The following SLC39A11 variants were observed in gnomAD, a reference collection of about 807,000 sequenced individuals.
SLC39A11 encodes solute carrier family 39 member 11, also known as zinc transporter ZIP11.
SLC39A11 carries 33 observed loss-of-function variants against 36.1 expected under a neutral mutation model. The observed-to-expected ratio is 0.91, with a 90% CI of 0.69 to 1.22. The LOEUF is 1.22. Among genes scored for constraint, SLC39A11 ranks in the 50% most tolerant of loss-of-function variants. The pLI, the probability that SLC39A11 is intolerant of heterozygous loss-of-function variation, is 0.00. For missense variants in SLC39A11, 432 were observed against 430.3 expected (o/e 1.00, Z -0.03); for synonymous variants, 166 against 170.3 (o/e 0.97, Z 0.20).
intron 7 of SLC39A11, among the ~76,000 whole-genome samples, chr17:72,701,469 C>T (rs1179020696): frequency 2.0e-5 from 3 of 152,162 alleles, no homozygotes; most frequent in Admixed American, 6.5e-5. Flanking sequence ...TAGCTCATGT[C>T]TGTAATCCCA....
intron 4 of SLC39A11, among the ~76,000 whole-genome samples, chr17:73,015,147 G>A (rs559030597): frequency 2.6e-5 from 4 of 152,094 alleles, no homozygotes; most frequent in South Asian, 2.1e-4. Context: ...CTGAAACCTC[G>A]GTATTGCCCT....
intron 6 of SLC39A11, among the ~76,000 whole-genome samples, chr17:72,819,690 C>A (rs1336064647): frequency 6.6e-6 from 1 of 151,282 alleles, no homozygotes; most frequent in Non-Finnish European, 1.5e-5. Flanking sequence ...CAACAGTACA[C>A]TGAATGCATT....
intron 4 of SLC39A11, 78 bp downstream of exon 4, chr17:73,031,478 A>G: frequency 6.7e-7 from 1 of 1,490,880 alleles, no homozygotes; most frequent in Non-Finnish European, 9.3e-7. Context: ...CAGGTATGTC[A>G]GGTTTGATCA....
Position 72,648,354 on chromosome 17 carries a change from C to T in SLC39A11, c.929+449G>A, listed in dbSNP as rs78568727. Among the ~76,000 whole-genome samples, 132 of 39,606 alleles carry T rather than the reference C, an allele frequency of 3.3e-3. 1 individual carries two copies. Among genetic ancestry groups the T allele is most frequent in the African/African-American group, 8.3e-3 (128 of 15,456 alleles). The allele number at this position is 39,606 out of a possible 152,430, so 26.0% of individuals were successfully genotyped here. A position where few individuals can be genotyped will look rare whatever the true frequency, so the allele number is the denominator to read the frequency against. ...TTAAAAAAAAAAAAAAAAAGAAAAA[C>T]AAAACAAAACAAAACAACAACAAAA... is the stretch of plus-strand genomic sequence containing the variant. On this transcript the variant is annotated intron_variant, in intron 9 of 9. Coordinates refer to ENST00000255559, the MANE Select transcript of SLC39A11 (RefSeq NM_139177.4).
At chr17:73,045,799 AAC>A (rs1319829047) in intron 3 of SLC39A11, among the ~76,000 whole-genome samples, 3 of 152,226 alleles carry the variant, frequency 2.0e-5, no homozygotes, top group South Asian at 2.1e-4. Context: ...ACAACAAAAA[AAC>A]ACAGAGTGAT....
intron 7 of SLC39A11, among the ~76,000 whole-genome samples, chr17:72,661,026 C>T (rs943899699): frequency 4.6e-5 from 7 of 152,174 alleles, no homozygotes; most frequent in Non-Finnish European, 8.8e-5. Flanking sequence ...GTGGAGAACA[C>T]CTGATCTCAC....
intron 4 of SLC39A11, among the ~76,000 whole-genome samples, chr17:72,970,396 G>A (rs2087350759): frequency 6.6e-6 from 1 of 152,148 alleles, no homozygotes; most frequent in South Asian, 2.1e-4. Context: ...GCCCTCAGAT[G>A]CAGCAACGCT....
chr17:72,950,497 CTT>C (rs1406012394), intron 4 of SLC39A11, among the ~76,000 whole-genome samples: 2 of 152,180 alleles, frequency 1.3e-5, no homozygotes, highest in African/African-American at 4.8e-5. Flanking sequence ...AGTCACAGCT[CTT>C]TGTTTGTTTA....
chr17:72,934,232 T>C (rs1448111833), intron 5 of SLC39A11, among the ~76,000 whole-genome samples: 1 of 151,918 alleles, frequency 6.6e-6, no homozygotes, highest in Non-Finnish European at 1.5e-5. Flanking sequence ...GAAAAACTGA[T>C]AAATTGGCAG....
intron 6 of SLC39A11, among the ~76,000 whole-genome samples, chr17:72,757,599 A>T (rs989975375): frequency 1.3e-5 from 2 of 151,378 alleles, no homozygotes; most frequent in Non-Finnish European, 2.9e-5. Flanking sequence ...CACTCCCACC[A>T]TGGGGCCTTT....
intron 6 of SLC39A11, among the ~76,000 whole-genome samples, chr17:72,845,202 A>T (rs1598967183): frequency 6.6e-6 from 1 of 152,220 alleles, no homozygotes; most frequent in African/African-American, 2.4e-5. Context: ...CAAGTCATAC[A>T]CACCCTCTTC....
chr17:72,943,538 G>A (rs749262680), intron 5 of SLC39A11, among the ~76,000 whole-genome samples: 13 of 152,234 alleles, frequency 8.5e-5, no homozygotes, highest in Non-Finnish European at 1.6e-4. Flanking sequence ...CCTGAGTGTC[G>A]TACGGCTTAC....
At chr17:73,090,897 T>C (rs761082737) in intron 1 of SLC39A11, among the ~76,000 whole-genome samples, 16 of 152,326 alleles carry the variant, frequency 1.1e-4, no homozygotes, top group African/African-American at 2.9e-4. Context: ...AGGAGCAGCA[T>C]TGATCACGGG....
At chr17:72,895,991 T>A (rs962507106) in intron 5 of SLC39A11, among the ~76,000 whole-genome samples, 1 of 152,116 alleles carries the variant, frequency 6.6e-6, no homozygotes, top group African/African-American at 2.4e-5. Context: ...TTTTAATCTT[T>A]TTTTTTGGTG....
intron 7 of SLC39A11, among the ~76,000 whole-genome samples, chr17:72,699,072 G>A (rs559406836): frequency 1.6e-4 from 24 of 152,078 alleles, no homozygotes; most frequent in Admixed American, 1.2e-3. Context: ...CTTGTGATCT[G>A]CCCGCCTTGG....
At chr17:72,777,901 GTACA>G (rs142689406) in intron 6 of SLC39A11, among the ~76,000 whole-genome samples, 2,256 of 151,782 alleles carry the variant, frequency 0.015, 65 homozygotes, top group African/African-American at 0.052. Flanking sequence ...ATGTATGTAC[GTACA>G]TACTTACTTA....
chr17:72,956,277 C>G (rs750162920), intron 4 of SLC39A11, among the ~76,000 whole-genome samples: 2 of 152,186 alleles, frequency 1.3e-5, no homozygotes, highest in East Asian at 3.9e-4. Flanking sequence ...TTTTCCTAGT[C>G]CTGATGCCAA....
At chr17:72,885,718 T>C (rs565372819) in intron 5 of SLC39A11, among the ~76,000 whole-genome samples, 2 of 152,268 alleles carry the variant, frequency 1.3e-5, no homozygotes, top group East Asian at 3.9e-4. Context: ...GCCACCTTTT[T>C]ACTCCAACCT....
At chr17:72,698,865 C>G (rs983735579) in intron 7 of SLC39A11, among the ~76,000 whole-genome samples, 1 of 152,120 alleles carries the variant, frequency 6.6e-6, no homozygotes, top group Non-Finnish European at 1.5e-5. Flanking sequence ...GAGTCTCGCT[C>G]TGTCGCCCAG....
Sources: gnomAD v4.1 joint callset for allele counts (sites outside exome capture counted in the v4.1 genomes callset) on GRCh38, gnomAD v4.1.1 for gene constraint, MANE v1.5 for transcripts, NCBI Gene and HGNC (gene_info 2026-07-23, HGNC 2026-07-21) for gene names.